The following AUTS2 variants were observed in gnomAD, a reference collection of about 807,000 sequenced individuals.
AUTS2 encodes activator of transcription and developmental regulator AUTS2.
In AUTS2, 17 loss-of-function variants were observed where a neutral mutation model predicts 112.4. The ratio of observed to expected loss-of-function variants is 0.15; its 90% CI spans 0.10 to 0.23. The LOEUF (loss-of-function observed/expected upper bound fraction) is 0.23. Among genes scored for constraint, AUTS2 ranks in the 10% least tolerant of loss-of-function variants. The pLI is 1.00. For missense variants in AUTS2, 1,510 were observed against 1,701.6 expected (o/e 0.89, Z 1.98); for synonymous variants, 751 against 702.7 (o/e 1.07, Z -1.09).
chr7:70,029,746 T>C (rs1800693458), intron 2 of AUTS2, among the ~76,000 whole-genome samples: 1 of 152,208 alleles, frequency 6.6e-6, no homozygotes, highest in Non-Finnish European at 1.5e-5. Context: ...AGCAAACTTT[T>C]TGCTACAGAG....
intron 2 of AUTS2, among the ~76,000 whole-genome samples, chr7:70,094,179 C>T (rs1804068211): frequency 6.6e-6 from 1 of 152,142 alleles, no homozygotes; most frequent in African/African-American, 2.4e-5. Context: ...ATGTGGACAT[C>T]TAGAGAATAT....
chr7:69,600,906 C>T (rs1225641300), intron 1 of AUTS2, among the ~76,000 whole-genome samples: 2 of 150,254 alleles, frequency 1.3e-5, no homozygotes, highest in Admixed American at 6.7e-5. Flanking sequence ...ATGTGTGTGT[C>T]TTTCTTTATT....
At chr7:70,566,552 T>C (rs1801715956) in intron 5 of AUTS2, among the ~76,000 whole-genome samples, 1 of 152,234 alleles carries the variant, frequency 6.6e-6, no homozygotes, top group African/African-American at 2.4e-5. Context: ...TACAAAAAAA[T>C]AGCATTGAAA....
intron 2 of AUTS2, among the ~76,000 whole-genome samples, chr7:69,909,605 C>T (rs572626217): frequency 6.6e-6 from 1 of 152,184 alleles, no homozygotes; most frequent in South Asian, 2.1e-4. Context: ...TTATTTTCTT[C>T]ATTACCAGCA....
intron 2 of AUTS2, among the ~76,000 whole-genome samples, chr7:70,014,057 A>G (rs1799922214): frequency 6.6e-6 from 1 of 152,192 alleles, no homozygotes; most frequent in Non-Finnish European, 1.5e-5. Flanking sequence ...CTTTCCCTGT[A>G]AACACACTTG....
chr7:70,022,438 A>C (rs952607364), intron 2 of AUTS2, among the ~76,000 whole-genome samples: 1 of 151,140 alleles, frequency 6.6e-6, no homozygotes, highest in African/African-American at 2.4e-5. Context: ...CTCCTGCCTT[A>C]GCCCCCAAGT....
intron 2 of AUTS2, among the ~76,000 whole-genome samples, chr7:69,989,358 A>G (rs562800698): frequency 6.6e-6 from 1 of 152,322 alleles, no homozygotes; most frequent in Non-Finnish European, 1.5e-5. Flanking sequence ...TGAGGATCAG[A>G]TTTATTTAAT....
chr7:70,581,827 T>C (rs1471795501), intron 5 of AUTS2, among the ~76,000 whole-genome samples: 1 of 152,232 alleles, frequency 6.6e-6, no homozygotes, highest in Non-Finnish European at 1.5e-5. Context: ...TGTAGTTGAC[T>C]TGTTTCTAAA....
At chr7:70,261,622 A>G (rs1787173464) in intron 4 of AUTS2, among the ~76,000 whole-genome samples, 1 of 152,232 alleles carries the variant, frequency 6.6e-6, no homozygotes. Flanking sequence ...ATTTATATGA[A>G]CATATTGAAA....
chr7:69,698,134 T>G (rs1797635838), intron 1 of AUTS2, among the ~76,000 whole-genome samples: 1 of 152,190 alleles, frequency 6.6e-6, no homozygotes, highest in Non-Finnish European at 1.5e-5. Flanking sequence ...TTTTCTCCAG[T>G]GGTGATCTGA....
At chr7:69,630,095 T>C (rs1200310561) in intron 1 of AUTS2, among the ~76,000 whole-genome samples, 1 of 151,900 alleles carries the variant, frequency 6.6e-6, no homozygotes, top group Non-Finnish European at 1.5e-5. Flanking sequence ...CTGTCTCTAC[T>C]AAAATACAAA....
chr7:70,290,925 T>C (rs1788680495), intron 4 of AUTS2: 1 of 155,058 alleles, frequency 6.4e-6, no homozygotes, highest in African/African-American at 2.4e-5. Flanking sequence ...TTTAAAATTG[T>C]TAAGGTGAAG....
At chr7:69,688,693 A>G (rs1797168070) in intron 1 of AUTS2, among the ~76,000 whole-genome samples, 1 of 152,204 alleles carries the variant, frequency 6.6e-6, no homozygotes, top group Non-Finnish European at 1.5e-5. Flanking sequence ...AACTATAGTC[A>G]TCTTCCAGTG....
At chr7:70,051,613 G>T (rs1312026987) in intron 2 of AUTS2, among the ~76,000 whole-genome samples, 1 of 152,062 alleles carries the variant, frequency 6.6e-6, no homozygotes, top group Non-Finnish European at 1.5e-5. Context: ...CAGCTACTCA[G>T]GAGGCTGAGG....
intron 2 of AUTS2, among the ~76,000 whole-genome samples, chr7:69,935,871 T>C (rs1436683569): frequency 6.6e-6 from 1 of 152,188 alleles, no homozygotes; most frequent in Non-Finnish European, 1.5e-5. Context: ...AATCCAAGTT[T>C]GATGTCCCAT....
intron 1 of AUTS2, among the ~76,000 whole-genome samples, chr7:69,872,778 T>C (rs955498615): frequency 5.3e-5 from 8 of 150,842 alleles, no homozygotes; most frequent in African/African-American, 2.0e-4. Context: ...CCCTCTCAGA[T>C]GAGGACCAGG....
intron 2 of AUTS2, among the ~76,000 whole-genome samples, chr7:69,987,256 A>G (rs748671645): frequency 5.3e-5 from 8 of 152,210 alleles, no homozygotes; most frequent in Admixed American, 4.6e-4. Flanking sequence ...ATTGGTAGGA[A>G]GACTTTTGTA....
intron 3 of AUTS2, among the ~76,000 whole-genome samples, chr7:70,125,627 A>G (rs1052783205): frequency 6.6e-6 from 1 of 152,036 alleles, no homozygotes; most frequent in African/African-American, 2.4e-5. Context: ...TTGGAGTTCC[A>G]GCTGTCTTTG....
chr7:69,788,336 C>T (rs985354184), intron 1 of AUTS2, among the ~76,000 whole-genome samples: 4 of 152,054 alleles, frequency 2.6e-5, no homozygotes, highest in African/African-American at 7.2e-5. Context: ...TAATTCAGCC[C>T]TATGAAAGAG....
Sources: allele counts gnomAD v4.1 joint callset (sites outside exome capture counted in the v4.1 genomes callset), GRCh38; gene constraint gnomAD v4.1.1; transcripts MANE v1.5; gene names NCBI Gene and HGNC (gene_info 2026-07-23, HGNC 2026-07-21).